Variants in LIPT2 observed in about 807,000 individuals in gnomAD.
The protein encoded by LIPT2 is lipoyl(octanoyl) transferase 2.
A neutral mutation model predicts 16.2 loss-of-function variants in LIPT2; 16 were observed. That is an observed-to-expected ratio of 0.99 (90% confidence interval 0.67 to 1.50). LIPT2 has a LOEUF of 1.50. LIPT2 is among the 40% of genes most tolerant of loss of function. LIPT2 has a pLI of 0.00. For missense variants in LIPT2, 424 were observed against 347.7 expected, an observed-to-expected ratio of 1.22 and a Z score of -1.75; for synonymous variants, 199 against 169.3, an observed-to-expected ratio of 1.18 and a Z score of -1.36.
rs749682678 is a variant in LIPT2, at chr11:74,493,380, G to C, written c.324C>G (p.Leu108=). The C allele has an allele frequency of 9.2e-6, 14 of 1,513,722 alleles. No individual in the cohort carries two copies. The South Asian group carries it at 1.2e-4, about 13-fold the overall frequency. 93.8% of individuals were successfully genotyped at this position (1,513,722 alleles called of 1,614,324 possible). ...CTACGTGCATGCGCAAGCGCAGGCCGAGACGCCGCAGGTCGAGTACCGGGT... is the reference window on the plus strand; with the variant it reads ...CTACGTGCATGCGCAAGCGCAGGCCCAGACGCCGCAGGTCGAGTACCGGGT... ...LCHPVLDLRR[L]GLRLRMHVAS... is the part of the protein sequence containing the mutation. The change falls in exon 1 of 2, where the codon CTC becomes CTG. Residue 108 remains leucine (L), a synonymous_variant. Coordinates refer to ENST00000310109, the MANE Select transcript of LIPT2 (RefSeq NM_001144869.3).
Position 74,493,615 on chromosome 11 carries a change from A to C in LIPT2, c.89T>G (p.Leu30Arg). ...LGLQDRWLRR[L>R]QAEPGIEAPS... is the part of the protein sequence containing the mutation. ...GGCCTCAATGCCTGGCTCGGCCTGC[A>C]GCCGCCGCAGCCAGCGGTCCTGCAG... The change falls in exon 1 of 2, where the codon CTG becomes CGG. Residue 30 changes from leucine (L) to arginine (R), a missense_variant. Physicochemically the swap from Leu to Arg is moderately radical, Grantham distance 102. Coordinates refer to ENST00000310109, the MANE Select transcript of LIPT2 (RefSeq NM_001144869.3). The C allele has an allele frequency of 6.9e-7, 1 of 1,456,996 alleles. No individual in the cohort carries two copies. The highest frequency in any genetic ancestry group is 9.0e-7 in the Non-Finnish European group (1 of 1,110,432). 90.3% of individuals were successfully genotyped at this position (1,456,996 alleles called of 1,614,324 possible).
rs1370558017 is a variant in LIPT2 at position 74,493,230 on chromosome 11, G to A, written c.466+8C>T. The A allele has an allele frequency of 7.4e-7, 1 of 1,346,360 alleles. No homozygotes were observed. Among genetic ancestry groups the A allele is most frequent in the Non-Finnish European group, 9.5e-7 (1 of 1,050,440 alleles). 83.4% of individuals were successfully genotyped at this position (1,346,360 alleles called of 1,614,324 possible). The stretch of plus-strand genomic sequence containing the variant: ...CTCTCAGGTACCGCCCTGCTCCGCG[G>A]CGCTCACCGATCGCGCAGATCTTGC... On this transcript the variant is annotated splice_region_variant and intron_variant, in intron 1 of 1. Transcript: ENST00000310109.
rs982607264 is a variant in LIPT2 at position 74,493,696 on chromosome 11, T to C, written c.8A>G (p.Gln3Arg). Reference protein sequence around the residue: MRQPAVRLVRLGR... With the variant: MRRPAVRLVRLGR... ...CAGGCGCACCAACCGAACGGCGGGTTGCCGCATCGTGCCCACCGTTGCGTC... is the reference window on the plus strand; with the variant it reads ...CAGGCGCACCAACCGAACGGCGGGTCGCCGCATCGTGCCCACCGTTGCGTC... The change falls in exon 1 of 2, where the codon CAA (glutamine) becomes CGA (arginine). Residue 3 changes from glutamine to arginine, a missense_variant. Coordinates refer to ENST00000310109, the MANE Select transcript of LIPT2 (RefSeq NM_001144869.3). 3.6e-6 allele frequency: 5 copies of C among 1,377,452 alleles called. No individual in the cohort carries two copies. The highest frequency in any genetic ancestry group is 4.7e-6 in the Non-Finnish European group (5 of 1,071,506). 85.3% of individuals were successfully genotyped at this position (1,377,452 alleles called of 1,614,324 possible). A position where few individuals can be genotyped will look rare whatever the true frequency, so the allele number is the denominator to read the frequency against.
At position 74,493,397 on chromosome 11, in the gene LIPT2, G is replaced by A. The variant is rs1459327686; in HGVS notation, c.307C>T (p.Leu103Phe). 2 of 1,516,100 alleles carry A rather than the reference G, an allele frequency of 1.3e-6. No homozygotes were observed. The highest frequency in any genetic ancestry group is 2.0e-5 in the Admixed American group (1 of 49,198). 93.9% of individuals were successfully genotyped at this position (1,516,100 alleles called of 1,614,324 possible). A position where few individuals can be genotyped will look rare whatever the true frequency, so the allele number is the denominator to read the frequency against. Residue 103 changes from leucine to phenylalanine, a missense_variant, in exon 1 of 2, where the codon CTC becomes TTC. Coordinates refer to ENST00000310109, the MANE Select transcript of LIPT2 (RefSeq NM_001144869.3). Reference protein sequence around the residue: ...GPGQLLCHPVLDLRRLGLRLR... With the variant: ...GPGQLLCHPVFDLRRLGLRLR... ...CGCAGGCCGAGACGCCGCAGGTCGA[G>A]TACCGGGTGGCAAAGCAGCTGGCCC...
Position 74,491,943 on chromosome 11 carries a change from C to G in LIPT2, c.*192G>C. 1.7e-6 allele frequency: 1 copy of G among 584,396 alleles called. No homozygotes were observed. The allele number at this position is 584,396 out of a possible 1,614,324, so 36.2% of individuals were successfully genotyped here. ...TTCACAGTATTGTCACATCTAGTATCTCTGAGGTAGGTGGGGAAGATATAA... is the reference window on the plus strand; with the variant it reads ...TTCACAGTATTGTCACATCTAGTATGTCTGAGGTAGGTGGGGAAGATATAA... On this transcript the variant is annotated 3_prime_UTR_variant, in exon 2 of 2. Transcript: ENST00000310109.
Position 74,492,022 on chromosome 11 carries a change from G to A in LIPT2, c.*113C>T. On this transcript the variant is annotated 3_prime_UTR_variant, in exon 2 of 2. Coordinates refer to ENST00000310109, the MANE Select transcript of LIPT2 (RefSeq NM_001144869.3). ...GCTCAGAGCTCATGGTATGTCCTTA[G>A]TTTCATGATCAGTGAATGACAGGCC... is the stretch of plus-strand genomic sequence containing the variant. The A allele has an allele frequency of 1.4e-6, 1 of 726,562 alleles. No individual in the cohort carries two copies. Among genetic ancestry groups the A allele is most frequent in the Non-Finnish European group, 2.4e-6 (1 of 418,098 alleles). The allele number at this position is 726,562 out of a possible 1,614,324, so 45.0% of individuals were successfully genotyped here.
At position 74,493,435 on chromosome 11, in the gene LIPT2, G is replaced by C; in HGVS notation, c.269C>G (p.Thr90Ser). The C allele has an allele frequency of 1.3e-6, 2 of 1,504,824 alleles. No homozygotes were observed. The highest frequency in any genetic ancestry group is 1.8e-6 in the Non-Finnish European group (2 of 1,133,822). The allele number at this position is 1,504,824 out of a possible 1,614,324, so 93.2% of individuals were successfully genotyped here. A position where few individuals can be genotyped will look rare whatever the true frequency, so the allele number is the denominator to read the frequency against. Residue 90 changes from threonine (T) to serine (S), a missense_variant, in exon 1 of 2, where the codon ACC becomes AGC. By Grantham distance (58) the Thr-to-Ser change is moderately conservative. Coordinates refer to ENST00000310109, the MANE Select transcript of LIPT2 (RefSeq NM_001144869.3). ...AAGCAGCTGGCCCGGGCCGTGGAAG[G>C]TGGCCAGGCCACCGCGGCCTGTGAC... ...VRVTGRGGLA[T>S]FHGPGQLLCH... is the part of the protein sequence containing the mutation.
At position 74,493,700 on chromosome 11, in the gene LIPT2, G is replaced by T; in HGVS notation, c.4C>A (p.Arg2=). The T allele has an allele frequency of 7.3e-7, 1 of 1,377,018 alleles. No individual in the cohort carries two copies. The highest frequency in any genetic ancestry group is 9.3e-7 in the Non-Finnish European group (1 of 1,071,134). 85.3% of individuals were successfully genotyped at this position (1,377,018 alleles called of 1,614,324 possible). The change falls in exon 1 of 2, where the codon CGG becomes AGG. Residue 2 remains arginine (R), a synonymous_variant. Transcript: ENST00000310109. ...CGCACCAACCGAACGGCGGGTTGCCGCATCGTGCCCACCGTTGCGTCCGCG... is the reference window on the plus strand; with the variant it reads ...CGCACCAACCGAACGGCGGGTTGCCTCATCGTGCCCACCGTTGCGTCCGCG... M[R]QPAVRLVRLG...
In LIPT2 at chr11:74,492,124, A is replaced by C; in HGVS notation, c.*11T>G. 1 of 1,543,816 alleles carries C rather than the reference A, an allele frequency of 6.5e-7. No homozygotes were observed. Among genetic ancestry groups the C allele is most frequent in the African/African-American group, 1.4e-5 (1 of 72,982 alleles). On this transcript the variant is annotated 3_prime_UTR_variant, in exon 2 of 2. Transcript: ENST00000310109. ...CCAAGGCAGGAGCATCCTGGCTGTT[A>C]TGAGTACTCTTCAGTTGGGGCTGTC...
chr11:74,491,945 C>G lies in LIPT2; in HGVS notation c.*190G>C, dbSNP rs1479072332. 2 of 585,202 alleles carry G rather than the reference C, an allele frequency of 3.4e-6. No homozygotes were observed. Among genetic ancestry groups the G allele is most frequent in the Non-Finnish European group, 6.1e-6 (2 of 326,644 alleles). The allele number at this position is 585,202 out of a possible 1,614,324, so 36.3% of individuals were successfully genotyped here. ...CACAGTATTGTCACATCTAGTATCT[C>G]TGAGGTAGGTGGGGAAGATATAAAT... is the stretch of plus-strand genomic sequence containing the variant. On this transcript the variant is annotated 3_prime_UTR_variant, in exon 2 of 2. Coordinates refer to ENST00000310109, the MANE Select transcript of LIPT2 (RefSeq NM_001144869.3).
At position 74,493,229 on chromosome 11, in the gene LIPT2, G is replaced by T. The variant is rs1163018088; in HGVS notation, c.466+9C>A. 9.2e-5 allele frequency: 123 copies of T among 1,341,216 alleles called. No homozygotes were observed. Among genetic ancestry groups the T allele is most frequent in the Non-Finnish European group, 1.1e-4 (118 of 1,047,478 alleles). The allele number at this position is 1,341,216 out of a possible 1,614,324, so 83.1% of individuals were successfully genotyped here. On this transcript the variant is annotated intron_variant, in intron 1 of 1. Transcript: ENST00000310109. ...GCTCTCAGGTACCGCCCTGCTCCGC[G>T]GCGCTCACCGATCGCGCAGATCTTG...
rs761309052 is a variant in LIPT2 at position 74,492,285 on chromosome 11, G to C, written c.546C>G (p.Ile182Met). 1.6e-5 allele frequency: 25 copies of C among 1,551,688 alleles called. No homozygotes were observed. The highest frequency in any genetic ancestry group is 1.5e-5 in the Non-Finnish European group (17 of 1,147,020). The part of the protein sequence containing the change: ...CSTDLTWFEH[I>M]VPCGLVGTGV... ...CTGTCCCAACCAGTCCACAGGGCAC[G>C]ATGTGCTCAAACCACGTGAGGTCGG... The change falls in exon 2 of 2, where the codon ATC (isoleucine) becomes ATG (methionine). Residue 182 changes from isoleucine to methionine, a missense_variant. By Grantham distance (10) the Ile-to-Met change is conservative (BLOSUM62 1). Coordinates refer to ENST00000310109, the MANE Select transcript of LIPT2 (RefSeq NM_001144869.3).
intron 1 of LIPT2, among the ~76,000 whole-genome samples, chr11:74,492,927 T>TG (rs1864377854): frequency 6.7e-6 from 1 of 148,746 alleles, no homozygotes; most frequent in South Asian, 2.1e-4. Flanking sequence ...AAAAAAAGTT[T>TG]GAAAATTAGC....
In LIPT2 at chr11:74,490,931, G is replaced by A. The variant is rs1864323255; in HGVS notation, c.*1204C>T. Among the ~76,000 whole-genome samples, 1 of 152,312 alleles carries A rather than the reference G, an allele frequency of 6.6e-6. No homozygotes were observed. Among genetic ancestry groups the A allele is most frequent in the Non-Finnish European group, 1.5e-5 (1 of 68,026 alleles). On this transcript the variant is annotated 3_prime_UTR_variant, in exon 2 of 2. Coordinates refer to ENST00000310109, the MANE Select transcript of LIPT2 (RefSeq NM_001144869.3). The stretch of plus-strand genomic sequence containing the variant: ...AGGCTCTTTCCACTCTTAATAGGCT[G>A]TGGTGGCCATTCTTCAAGATGGCCC...
chr11:74,493,427 C>T lies in LIPT2; in HGVS notation c.277G>A (p.Gly93Ser), dbSNP rs1864398589. 26 of 1,507,036 alleles carry T rather than the reference C, an allele frequency of 1.7e-5. No homozygotes were observed. The highest frequency in any genetic ancestry group is 2.2e-5 in the Non-Finnish European group (25 of 1,134,844). 93.4% of individuals were successfully genotyped at this position (1,507,036 alleles called of 1,614,324 possible). ...GGGTGGCAAAGCAGCTGGCCCGGGC[C>T]GTGGAAGGTGGCCAGGCCACCGCGG... Reference protein sequence around the residue: ...TGRGGLATFHGPGQLLCHPVL... With the variant: ...TGRGGLATFHSPGQLLCHPVL... Residue 93 changes from glycine to serine, a missense_variant, in exon 1 of 2, where the codon GGC (glycine) becomes AGC (serine). Physicochemically the swap from Gly to Ser is moderately conservative, Grantham distance 56. Coordinates refer to ENST00000310109, the MANE Select transcript of LIPT2 (RefSeq NM_001144869.3).
At position 74,491,835 on chromosome 11, in the gene LIPT2, A is replaced by G; in HGVS notation, c.*300T>C. The G allele has an allele frequency of 2.9e-6, 1 of 346,108 alleles. No homozygotes were observed. The highest frequency in any genetic ancestry group is 5.5e-6 in the Non-Finnish European group (1 of 181,278). 21.4% of individuals were successfully genotyped at this position (346,108 alleles called of 1,614,324 possible). On this transcript the variant is annotated 3_prime_UTR_variant, in exon 2 of 2. Transcript: ENST00000310109. ...ACAATCTATGACATCAACAATCGAG[A>G]AATAACAATCTATGACATCTGAATT...
intron 1 of LIPT2, 182 bp downstream of exon 1, chr11:74,493,056 T>A (rs1406700013): frequency 4.8e-6 from 2 of 418,758 alleles, no homozygotes; most frequent in Non-Finnish European, 8.4e-6. Context: ...TGCTTCTGAA[T>A]ATACGATATC....
rs1435445049 is a variant in LIPT2, at chr11:74,490,817, A to G, written c.*1318T>C. Reference sequence around the variant, plus strand: ...TTGCATTGTATTTCTATTGAACAGCACTGGTTTAAGGAGAAACTGAAGACC... The same window carrying G: ...TTGCATTGTATTTCTATTGAACAGCGCTGGTTTAAGGAGAAACTGAAGACC... On this transcript the variant is annotated 3_prime_UTR_variant, in exon 2 of 2. Transcript: ENST00000310109. Among the ~76,000 whole-genome samples the G allele has an allele frequency of 1.3e-5, 2 of 152,238 alleles. No homozygotes were observed. Among genetic ancestry groups the G allele is most frequent in the Admixed American group, 1.3e-4 (2 of 15,284 alleles).
In LIPT2 at chr11:74,493,679, C is replaced by G; in HGVS notation, c.25G>C (p.Val9Leu). The G allele has an allele frequency of 7.1e-7, 1 of 1,411,980 alleles. No individual in the cohort carries two copies. The highest frequency in any genetic ancestry group is 9.2e-7 in the Non-Finnish European group (1 of 1,089,096). The allele number at this position is 1,411,980 out of a possible 1,614,324, so 87.5% of individuals were successfully genotyped here. A position where few individuals can be genotyped will look rare whatever the true frequency, so the allele number is the denominator to read the frequency against. The change falls in exon 1 of 2, where the codon GTG (valine) becomes CTG (leucine). Residue 9 changes from valine to leucine, a missense_variant. Coordinates refer to ENST00000310109, the MANE Select transcript of LIPT2 (RefSeq NM_001144869.3). ...GCGTACGGCACCCGACCCAGGCGCA[C>G]CAACCGAACGGCGGGTTGCCGCATC... MRQPAVRL[V>L]RLGRVPYAEL...
Sources: gnomAD v4.1 joint callset for allele counts (sites outside exome capture counted in the v4.1 genomes callset) on GRCh38, gnomAD v4.1.1 for gene constraint, MANE v1.5 for transcripts, NCBI Gene and HGNC (gene_info 2026-07-23, HGNC 2026-07-21) for gene names.